Variants in PRRT1B observed in about 807,000 individuals in gnomAD.
PRRT1B encodes the protein proline rich transmembrane protein 1B.
downstream of PRRT1B, among the ~76,000 whole-genome samples, chr9:131,559,002 T>G (rs1485703707): frequency 1.3e-5 from 2 of 152,196 alleles, no homozygotes; most frequent in African/African-American, 4.8e-5. Context: ...GCTCGTTTGA[T>G]GAGGACCGCC....
intron 1 of PRRT1B, among the ~76,000 whole-genome samples, chr9:131,548,784 C>T (rs1413227733): frequency 6.6e-6 from 1 of 152,196 alleles, no homozygotes; most frequent in Non-Finnish European, 1.5e-5. Flanking sequence ...CATTTCCCCA[C>T]CCTATAATCC....
At chr9:131,546,194 A>G (rs1588548113) in intron 1 of PRRT1B, among the ~76,000 whole-genome samples, 1 of 151,500 alleles carries the variant, frequency 6.6e-6, no homozygotes, top group East Asian at 2.0e-4. Flanking sequence ...GGAGTGGGCG[A>G]CCCTGGCCAG....
chr9:131,549,848 C>T (rs1410314921), intron 1 of PRRT1B, among the ~76,000 whole-genome samples: 3 of 152,186 alleles, frequency 2.0e-5, no homozygotes, highest in African/African-American at 4.8e-5. Flanking sequence ...TAGGCCGAGA[C>T]ATTTTAACCA....
intron 1 of PRRT1B, among the ~76,000 whole-genome samples, chr9:131,548,701 C>A (rs1201002172): frequency 1.3e-5 from 2 of 152,138 alleles, no homozygotes; most frequent in Non-Finnish European, 2.9e-5. Flanking sequence ...TCTACAGACC[C>A]ATCTGACCTC....
At position 131,551,143 on chromosome 9, in the gene PRRT1B, C is replaced by T. The variant is rs1386402782; in HGVS notation, c.26-3414C>T. On this transcript the variant is annotated intron_variant, in intron 1 of 3. Transcript: ENST00000636672. The surrounding 1 kb of genome is among the most constrained non-coding windows in gnomAD (Gnocchi z 4.4). ...ATTTTTAGTAGAGACGGGGTTACAC[C>T]GTGTTAGCCAGGATGGTCTCAATCT... Among the ~76,000 whole-genome samples the T allele has an allele frequency of 1.3e-5, 2 of 151,794 alleles. No homozygotes were observed. Among genetic ancestry groups the T allele is most frequent in the Non-Finnish European group, 2.9e-5 (2 of 67,980 alleles).
In PRRT1B at chr9:131,554,999, G is replaced by A. The variant is rs1174043806; in HGVS notation, c.468G>A (p.Pro156=). The A allele has an allele frequency of 6.6e-5, 26 of 393,368 alleles. No homozygotes were observed. The East Asian group carries it at 9.4e-4, about 14-fold the overall frequency. 24.4% of individuals were successfully genotyped at this position (393,368 alleles called of 1,614,324 possible). ...CCACGCCGCCCGCGCTCTTCTCGCCGCCCGCCGGGGCCGCCTTCCCCTTCC... is the reference window on the plus strand; with the variant it reads ...CCACGCCGCCCGCGCTCTTCTCGCCACCCGCCGGGGCCGCCTTCCCCTTCC... The change falls in exon 2 of 4, where the codon CCG becomes CCA. Residue 156 remains proline, a synonymous_variant. Coordinates refer to ENST00000636672, the Ensembl canonical transcript of PRRT1B.
Position 131,555,808 on chromosome 9 carries a change from G to C in PRRT1B, c.499-262G>C, listed in dbSNP as rs76910836. On this transcript the variant is annotated intron_variant, in intron 2 of 3. Transcript: ENST00000636672. The stretch of plus-strand genomic sequence containing the variant: ...GGACGATAGAGATATCACAGAGGCT[G>C]GACCCTCGACTGAGCCAATGGTAGA... 3.9e-5 allele frequency among the ~76,000 whole-genome samples: 6 copies of C among 152,292 alleles called. No individual in the cohort carries two copies. In the East Asian group the frequency reaches 1.2e-3, roughly 29 times the overall value.
chr9:131,545,636 G>GGCAGGAGCTGGAGGA (rs1456390282), exon 1 of PRRT1B: 1 of 400,562 alleles, frequency 2.5e-6, no homozygotes, highest in African/African-American at 2.1e-5. Flanking sequence ...GAGCTGGAGG[G>GGCAGGAGCTGGAGGA]GCAGGTGCCG....
exon 4 of PRRT1B, chr9:131,558,415 C>T: frequency 2.6e-6 from 1 of 386,044 alleles, no homozygotes; most frequent in Non-Finnish European, 4.6e-6. Context: ...ACTGGAGCCT[C>T]AGTCAGTGTC....
chr9:131,557,929 C>T (rs1951060881), intron 3 of PRRT1B, 124 bp from the exon 4 acceptor site: 1 of 397,292 alleles, frequency 2.5e-6, no homozygotes, highest in African/African-American at 2.1e-5. Context: ...CTGGCAGGTC[C>T]CTGACCTTTT....
At chr9:131,547,301 T>A (rs975218581) in intron 1 of PRRT1B, among the ~76,000 whole-genome samples, 8 of 152,168 alleles carry the variant, frequency 5.3e-5, no homozygotes, top group African/African-American at 1.9e-4. Flanking sequence ...CCTTAACTGA[T>A]GACATTCCAC....
chr9:131,546,182 G>C (rs925750989), intron 1 of PRRT1B, among the ~76,000 whole-genome samples: 1 of 152,084 alleles, frequency 6.6e-6, no homozygotes, highest in Non-Finnish European at 1.5e-5. Context: ...CCTTGCAGCA[G>C]GGGAGTGGGC....
chr9:131,552,859 G>A (rs965340561), intron 1 of PRRT1B, among the ~76,000 whole-genome samples: 4 of 62,454 alleles, frequency 6.4e-5, no homozygotes, highest in Non-Finnish European at 1.4e-4. Flanking sequence ...TTTTTTTTTT[G>A]TATTTTTAGC....
intron 1 of PRRT1B, among the ~76,000 whole-genome samples, chr9:131,548,703 T>A (rs547160660): frequency 6.6e-6 from 1 of 152,134 alleles, no homozygotes; most frequent in African/African-American, 2.4e-5. Context: ...TACAGACCCA[T>A]CTGACCTCTC....
chr9:131,557,389 A>G (rs1000436314), intron 3 of PRRT1B, among the ~76,000 whole-genome samples: 22 of 152,120 alleles, frequency 1.4e-4, no homozygotes, highest in Non-Finnish European at 2.9e-4. Flanking sequence ...AAATACAAAA[A>G]TTAGCCGGGC....
At chr9:131,552,806 G>A (rs1489582057) in intron 1 of PRRT1B, among the ~76,000 whole-genome samples, 1 of 151,762 alleles carries the variant, frequency 6.6e-6, no homozygotes, top group African/African-American at 2.4e-5. Flanking sequence ...CCAAGTAGCC[G>A]GGACTAGACA....
In PRRT1B at chr9:131,545,710, AGGCAGGTACTGGAGG is replaced by A. The variant is rs1950969304; in HGVS notation, c.25+83_25+97del. ...GGTACTGGCGGGGCAGGTACTGGCG[AGGCAGGTACTGGAGG>A]GGCAGGTACTGGCGGGGCAGGTGCT... is the stretch of plus-strand genomic sequence containing the variant. On this transcript the variant is annotated intron_variant, in intron 1 of 3. Transcript: ENST00000636672. The A allele has an allele frequency of 2.5e-5, 8 of 322,208 alleles. No individual in the cohort carries two copies. The South Asian group carries it at 6.5e-4, about 26-fold the overall frequency. The allele number at this position is 322,208 out of a possible 1,614,324, so 20.0% of individuals were successfully genotyped here.
At chr9:131,554,103 C>T (rs1210289141) in intron 1 of PRRT1B, among the ~76,000 whole-genome samples, 1 of 152,202 alleles carries the variant, frequency 6.6e-6, no homozygotes, top group African/African-American at 2.4e-5. Flanking sequence ...GGGCACCTCA[C>T]CCCTCCCCTA....
chr9:131,558,025 C>T (rs906200711), intron 3 of PRRT1B, 28 bp from the exon 4 acceptor site: 16 of 398,734 alleles, frequency 4.0e-5, no homozygotes, highest in Admixed American at 3.5e-4. Context: ...TCGCTCCCAC[C>T]GCCCCCTCCT....
Sources: allele counts gnomAD v4.1 joint callset (sites outside exome capture counted in the v4.1 genomes callset), GRCh38; gene constraint gnomAD v4.1.1; non-coding constraint Gnocchi (gnomAD v3.1); transcripts MANE v1.5; gene names NCBI Gene and HGNC (gene_info 2026-07-23, HGNC 2026-07-21).